KLHL28: variants seen among roughly 807,000 people sequenced by gnomAD.
KLHL28 encodes the protein kelch like family member 28.
Under a neutral mutation model 48.3 loss-of-function variants are expected in KLHL28, and 22 were observed. The ratio of observed to expected loss-of-function variants is 0.46; its 90% CI spans 0.33 to 0.65. The LOEUF is 0.65. Among genes scored for constraint, KLHL28 ranks in the 30% least tolerant of loss-of-function variants. The pLI, the probability that KLHL28 is intolerant of heterozygous loss-of-function variation, is 0.03. For missense variants in KLHL28, 527 were observed against 704.3 expected (o/e 0.75, Z 2.85); for synonymous variants, 243 against 242.4 (o/e 1.00, Z -0.02).
At chr14:44,946,470 A>G (rs928271689) in intron 1 of KLHL28, among the ~76,000 whole-genome samples, 2 of 152,012 alleles carry the variant, frequency 1.3e-5, no homozygotes, top group Non-Finnish European at 2.9e-5. Flanking sequence ...AATTAATTTA[A>G]TTAATTATGA....
chr14:44,957,527 T>C (rs1884846201), intron 1 of KLHL28, among the ~76,000 whole-genome samples: 1 of 152,198 alleles, frequency 6.6e-6, no homozygotes, highest in African/African-American at 2.4e-5. Context: ...GCTTAAAATA[T>C]TTACTGAATC....
intron 1 of KLHL28, among the ~76,000 whole-genome samples, chr14:44,951,232 T>G (rs1884566216): frequency 6.6e-6 from 1 of 152,268 alleles, no homozygotes. Flanking sequence ...ATGACACACT[T>G]GTAGGGGAAA....
intron 1 of KLHL28, among the ~76,000 whole-genome samples, chr14:44,948,426 C>G (rs1189972202): frequency 6.6e-6 from 1 of 152,074 alleles, no homozygotes; most frequent in Non-Finnish European, 1.5e-5. Flanking sequence ...TTAGTCCCAT[C>G]TGAATCTTAA....
At chr14:44,932,434 C>T (rs979622320) in intron 3 of KLHL28, among the ~76,000 whole-genome samples, 3 of 152,102 alleles carry the variant, frequency 2.0e-5, no homozygotes, top group African/African-American at 7.2e-5. Context: ...CATTTCTAAG[C>T]TGCATTATGG....
intron 2 of KLHL28, among the ~76,000 whole-genome samples, chr14:44,937,308 G>A (rs555994799): frequency 1.3e-5 from 2 of 151,850 alleles, no homozygotes; most frequent in African/African-American, 4.8e-5. Context: ...ACCACCCTCA[G>A]CTAACTTTTT....
intron 2 of KLHL28, among the ~76,000 whole-genome samples, chr14:44,935,643 C>T (rs1883778926): frequency 6.6e-6 from 1 of 151,084 alleles, no homozygotes; most frequent in Non-Finnish European, 1.5e-5. Flanking sequence ...TATTGGGGCA[C>T]ATTTAATATG....
rs976174295 is a variant in KLHL28 at position 44,961,899 on chromosome 14, G to C, written c.-54C>G. 6.5e-6 allele frequency: 1 copy of C among 152,990 alleles called. No homozygotes were observed. Among genetic ancestry groups the C allele is most frequent in the Non-Finnish European group, 1.5e-5 (1 of 68,654 alleles). 9.5% of individuals were successfully genotyped at this position (152,990 alleles called of 1,614,324 possible). On this transcript the variant is annotated 5_prime_UTR_variant, in exon 1 of 5. Coordinates refer to ENST00000396128, the MANE Select transcript of KLHL28 (RefSeq NM_017658.5). ...ACAGGAGGAGGAACCGCGGACAACT[G>C]GAGCCTGGGCTGGATCCTCACTAGC...
chr14:44,952,069 T>A (rs111842421), intron 1 of KLHL28, among the ~76,000 whole-genome samples: 1 of 152,006 alleles, frequency 6.6e-6, no homozygotes, highest in Admixed American at 6.6e-5. Context: ...CCATGTTGCC[T>A]AGGCTAGTCT....
At chr14:44,932,397 C>T (rs559214926) in intron 3 of KLHL28, among the ~76,000 whole-genome samples, 4 of 152,086 alleles carry the variant, frequency 2.6e-5, no homozygotes, top group African/African-American at 9.6e-5. Flanking sequence ...GAATTTGAGT[C>T]AAGACTGTGT....
intron 2 of KLHL28, among the ~76,000 whole-genome samples, chr14:44,942,423 A>C (rs915837739): frequency 1.3e-5 from 2 of 152,222 alleles, no homozygotes; most frequent in Non-Finnish European, 2.9e-5. Flanking sequence ...TTATTTAATC[A>C]ATCTGATATT....
At chr14:44,937,756 T>A (rs1319480468) in intron 2 of KLHL28, among the ~76,000 whole-genome samples, 2 of 152,152 alleles carry the variant, frequency 1.3e-5, no homozygotes, top group Non-Finnish European at 2.9e-5. Context: ...AACATGGTGC[T>A]AGCATCTGGG....
chr14:44,954,465 GTT>G (rs753718473), intron 1 of KLHL28, among the ~76,000 whole-genome samples: 2 of 152,132 alleles, frequency 1.3e-5, no homozygotes, highest in South Asian at 2.1e-4. Flanking sequence ...CAAAAGAATG[GTT>G]GTGAAAACTA....
intron 2 of KLHL28, among the ~76,000 whole-genome samples, chr14:44,940,837 T>C (rs2138614266): frequency 6.6e-6 from 1 of 152,322 alleles, no homozygotes; most frequent in South Asian, 2.1e-4. Flanking sequence ...TATCTCTTTA[T>C]TCATCTAATT....
intron 4 of KLHL28, among the ~76,000 whole-genome samples, chr14:44,930,840 C>T (rs1001248040): frequency 2.0e-5 from 3 of 152,156 alleles, no homozygotes; most frequent in Admixed American, 6.5e-5. Context: ...TCAAAGATAA[C>T]AATTTTTCCT....
Position 44,934,402 on chromosome 14 carries a change from A to C in KLHL28, c.1056T>G (p.His352Gln). 1.2e-6 allele frequency: 2 copies of C among 1,614,122 alleles called. No individual in the cohort carries two copies. The highest frequency in any genetic ancestry group is 1.7e-6 in the Non-Finnish European group (2 of 1,180,024). The change falls in exon 3 of 5, where the codon CAT becomes CAG. Residue 352 changes from histidine to glutamine, a missense_variant. His to Gln is a conservative substitution (Grantham distance 24). Transcript: ENST00000396128. ...NVRPGVTIRKHENSVECWNPD... is the reference protein window; with the variant it reads ...NVRPGVTIRKQENSVECWNPD... Reference sequence around the variant, plus strand: ...GATTCCAGCATTCCACTGAATTTTCATGTTTTCTGATAGTGACGCCAGGAC... The same window carrying C: ...GATTCCAGCATTCCACTGAATTTTCCTGTTTTCTGATAGTGACGCCAGGAC...
intron 4 of KLHL28, 89 bp from the exon 5 acceptor site, chr14:44,929,280 T>TA: frequency 8.9e-7 from 1 of 1,117,738 alleles, no homozygotes. Context: ...TTTTAATGTT[T>TA]TATTAAAATA....
chr14:44,945,065 T>C lies in KLHL28; in HGVS notation c.864A>G (p.Val288=), dbSNP rs1884263921. The part of the protein sequence containing the change: ...PRCAPKVLCA[V]GGKSGLFACL... The stretch of plus-strand genomic sequence containing the variant: ...AGGCAAAGAGTCCAGATTTCCCTCC[T>C]ACTGCACAAAGTACTTTGGGAGCAC... Residue 288 remains valine, a synonymous_variant, in exon 2 of 5, where the codon GTA becomes GTG. Transcript: ENST00000396128. 2 of 1,612,294 alleles carry C rather than the reference T, an allele frequency of 1.2e-6. No homozygotes were observed. Among genetic ancestry groups the C allele is most frequent in the Non-Finnish European group, 1.7e-6 (2 of 1,178,408 alleles).
At chr14:44,955,716 G>T (rs1332881219) in intron 1 of KLHL28, among the ~76,000 whole-genome samples, 1 of 152,180 alleles carries the variant, frequency 6.6e-6, no homozygotes, top group African/African-American at 2.4e-5. Flanking sequence ...TGCCCAGGAG[G>T]TCGAGGCTGC....
At chr14:44,948,133 T>C (rs762150341) in intron 1 of KLHL28, among the ~76,000 whole-genome samples, 5 of 152,178 alleles carry the variant, frequency 3.3e-5, no homozygotes, top group Non-Finnish European at 5.9e-5. Flanking sequence ...GGCAAGTAGA[T>C]AGAAAAAATA....
Sources: gnomAD v4.1 joint callset for allele counts (sites outside exome capture counted in the v4.1 genomes callset) on GRCh38, gnomAD v4.1.1 for gene constraint, MANE v1.5 for transcripts, NCBI Gene and HGNC (gene_info 2026-07-23, HGNC 2026-07-21) for gene names.